The following FAT4 variants were observed in gnomAD, a reference collection of about 807,000 sequenced individuals.
The protein encoded by FAT4 is protocadherin Fat 4.
FAT4 carries 84 observed loss-of-function variants against 303.9 expected under a neutral mutation model. That is an observed-to-expected ratio of 0.28 (90% CI 0.23 to 0.33). FAT4 has a LOEUF of 0.33. Among genes scored for constraint, FAT4 ranks in the 10% least tolerant of loss-of-function variants. The probability of loss-of-function intolerance (pLI) is 1.00; values close to 1 mark genes in which losing one functional copy is unlikely to be tolerated. For synonymous variants in FAT4, 2,307 were observed against 2,298.8 expected (o/e 1.00, Z -0.10); for missense variants, 6,005 against 6,146.8 (o/e 0.98, Z 0.77).
intron 2 of FAT4, among the ~76,000 whole-genome samples, chr4:125,369,511 A>G (rs1402642277): frequency 6.6e-6 from 1 of 152,180 alleles, no homozygotes; most frequent in African/African-American, 2.4e-5. Context: ...TCCTGCAACA[A>G]TTTGGGAGAT....
At chr4:125,419,047 CA>C (rs1409850235) in intron 7 of FAT4, among the ~76,000 whole-genome samples, 1 of 152,148 alleles carries the variant, frequency 6.6e-6, no homozygotes, top group Non-Finnish European at 1.5e-5. Context: ...AGTTAAACCC[CA>C]GTTCACATCC....
At chr4:125,461,876 G>A (rs1726495107) in intron 10 of FAT4, among the ~76,000 whole-genome samples, 1 of 151,896 alleles carries the variant, frequency 6.6e-6, no homozygotes, top group Non-Finnish European at 1.5e-5. Flanking sequence ...ACAGGAAAGA[G>A]TTCTGTGAAA....
chr4:125,372,851 A>G (rs764990831), intron 2 of FAT4, among the ~76,000 whole-genome samples: 1 of 152,198 alleles, frequency 6.6e-6, no homozygotes, highest in Non-Finnish European at 1.5e-5. Context: ...AGTTGTCTTG[A>G]TCAATATCAT....
At position 125,408,486 on chromosome 4, in the gene FAT4, G is replaced by C; in HGVS notation, c.5612G>C (p.Gly1871Ala). Residue 1871 changes from glycine to alanine, a missense_variant, in exon 5 of 18, where the codon GGT (glycine) becomes GCT (alanine). Coordinates refer to ENST00000394329, the MANE Select transcript of FAT4 (RefSeq NM_001291303.3). ...AAILATDDDS[G>A]VNGEITYIVN... ...ATTTTAGCCACGGATGATGACTCTG[G>C]TGTGAATGGAGAAATTACATATATT... 6.2e-7 allele frequency: 1 copy of C among 1,612,390 alleles called. No homozygotes were observed. Among genetic ancestry groups the C allele is most frequent in the Non-Finnish European group, 8.5e-7 (1 of 1,179,236 alleles).
chr4:125,444,500 A>G (rs1276255131), intron 8 of FAT4, among the ~76,000 whole-genome samples: 1 of 152,132 alleles, frequency 6.6e-6, no homozygotes, highest in Admixed American at 6.6e-5. Flanking sequence ...CATTGTTACA[A>G]CACTGTTACA....
intron 2 of FAT4, among the ~76,000 whole-genome samples, chr4:125,328,650 T>C (rs1175473779): frequency 6.6e-6 from 1 of 152,226 alleles, no homozygotes; most frequent in African/African-American, 2.4e-5. Context: ...CTAACATATA[T>C]AAATCGTTTA....
intron 8 of FAT4, among the ~76,000 whole-genome samples, chr4:125,437,098 G>A (rs200690431): frequency 5.3e-5 from 8 of 152,042 alleles, no homozygotes; most frequent in South Asian, 2.1e-4. Context: ...CAGGTGATCT[G>A]CCCACTTCCG....
intron 2 of FAT4, among the ~76,000 whole-genome samples, chr4:125,393,173 G>A (rs143766580): frequency 2.5e-4 from 38 of 152,266 alleles, no homozygotes; most frequent in African/African-American, 8.2e-4. Context: ...TATGTAGATT[G>A]CAGGAAGGTT....
Position 125,392,535 on chromosome 4 carries a change from C to T in FAT4, c.5176-6249C>T, listed in dbSNP as rs183345552. On this transcript the variant is annotated intron_variant, in intron 2 of 17. Coordinates refer to ENST00000394329, the MANE Select transcript of FAT4 (RefSeq NM_001291303.3). Reference sequence around the variant, plus strand: ...AGAAAAAGAAATAGCTTTTTGTATACGTTTTAATAGTAATCACTTTCACTG... The same window carrying T: ...AGAAAAAGAAATAGCTTTTTGTATATGTTTTAATAGTAATCACTTTCACTG... 3.7e-3 allele frequency among the ~76,000 whole-genome samples: 558 copies of T among 152,106 alleles called. 2 individuals carry two copies. Among genetic ancestry groups the T allele is most frequent in the Non-Finnish European group, 5.6e-3 (383 of 67,986 alleles).
At chr4:125,346,554 A>G (rs1238897718) in intron 2 of FAT4, among the ~76,000 whole-genome samples, 1 of 152,030 alleles carries the variant, frequency 6.6e-6, no homozygotes, top group Non-Finnish European at 1.5e-5. Flanking sequence ...AAGAAAAAGT[A>G]TATTCAATGG....
At chr4:125,349,078 A>G (rs1289779263) in intron 2 of FAT4, among the ~76,000 whole-genome samples, 2 of 151,754 alleles carry the variant, frequency 1.3e-5, no homozygotes, top group African/African-American at 4.8e-5. Context: ...AATTATCCAG[A>G]GGGGTTTAGA....
intron 2 of FAT4, among the ~76,000 whole-genome samples, chr4:125,348,408 T>A (rs958028529): frequency 6.6e-6 from 1 of 151,684 alleles, no homozygotes; most frequent in Non-Finnish European, 1.5e-5. Context: ...AGTTGAAGGA[T>A]CCTTTCTGAT....
At chr4:125,446,985 T>A (rs1226034589) in intron 9 of FAT4, among the ~76,000 whole-genome samples, 1 of 152,056 alleles carries the variant, frequency 6.6e-6, no homozygotes, top group Non-Finnish European at 1.5e-5. Flanking sequence ...AATGAATATT[T>A]GACTTCAATT....
chr4:125,461,031 C>T (rs993990028), intron 10 of FAT4, among the ~76,000 whole-genome samples: 5 of 151,982 alleles, frequency 3.3e-5, no homozygotes, highest in South Asian at 2.1e-4. Flanking sequence ...ATAGGAAATT[C>T]GTTCTCAAAA....
At chr4:125,340,780 A>G (rs1486130546) in intron 2 of FAT4, among the ~76,000 whole-genome samples, 2 of 152,190 alleles carry the variant, frequency 1.3e-5, no homozygotes, top group Non-Finnish European at 2.9e-5. Flanking sequence ...CAGTAATAGT[A>G]ACAGCATAGT....
chr4:125,345,334 G>C (rs759508937), intron 2 of FAT4, among the ~76,000 whole-genome samples: 1 of 151,488 alleles, frequency 6.6e-6, no homozygotes, highest in African/African-American at 2.4e-5. Flanking sequence ...CCTTTTTTGT[G>C]TTTTTGGTTT....
At chr4:125,376,771 T>C (rs1733341921) in intron 2 of FAT4, among the ~76,000 whole-genome samples, 1 of 151,880 alleles carries the variant, frequency 6.6e-6, no homozygotes, top group Admixed American at 6.6e-5. Flanking sequence ...TGGTGGCGCA[T>C]GCCTGCAATG....
At chr4:125,459,205 A>T (rs1230773827) in intron 10 of FAT4, among the ~76,000 whole-genome samples, 2 of 151,994 alleles carry the variant, frequency 1.3e-5, no homozygotes, top group Non-Finnish European at 2.9e-5. Flanking sequence ...GGGTATCAAA[A>T]ATTATCGTAT....
At chr4:125,421,953 C>T (rs1333357786) in intron 7 of FAT4, among the ~76,000 whole-genome samples, 1 of 152,024 alleles carries the variant, frequency 6.6e-6, no homozygotes, top group Non-Finnish European at 1.5e-5. Flanking sequence ...TGCTGACTCT[C>T]TCCATGAAAT....
Sources: allele counts gnomAD v4.1 joint callset (sites outside exome capture counted in the v4.1 genomes callset), GRCh38; gene constraint gnomAD v4.1.1; transcripts MANE v1.5; gene names NCBI Gene and HGNC (gene_info 2026-07-23, HGNC 2026-07-21).